The following RBFOX1 variants were observed in gnomAD, a reference collection of about 807,000 sequenced individuals.
RBFOX1 encodes the protein RNA binding fox-1 homolog 1.
RBFOX1 carries 8 observed loss-of-function variants against 57.7 expected under a neutral mutation model. That is an observed-to-expected ratio of 0.14 (90% CI 0.08 to 0.25). The LOEUF is 0.25. Among genes scored for constraint, RBFOX1 ranks in the 10% least tolerant of loss-of-function variants. The pLI, the probability that RBFOX1 is intolerant of heterozygous loss-of-function variation, is 1.00. For synonymous variants in RBFOX1, 326 were observed against 222.4 expected (o/e 1.47, Z -4.15); for missense variants, 611 against 548.5 (o/e 1.11, Z -1.14).
chr16:7,362,044 G>T (rs976161312), intron 4 of RBFOX1, among the ~76,000 whole-genome samples: 3 of 151,360 alleles, frequency 2.0e-5, no homozygotes, highest in African/African-American at 7.3e-5. Context: ...GTGTTAGTGT[G>T]TGTGTTTTGT....
In RBFOX1 at chr16:5,242,981, G is replaced by A. The variant is rs564142479; in HGVS notation, c.219+2876G>A. Reference sequence around the variant, plus strand: ...CAGGGCATGTGATTATGGTGGGGACGTGGTGGGGGGTGGAGGGTGGAGGGT... The same window carrying A: ...CAGGGCATGTGATTATGGTGGGGACATGGTGGGGGGTGGAGGGTGGAGGGT... On this transcript the variant is annotated intron_variant, in intron 1 of 2. Transcript: ENST00000585867. Among the ~76,000 whole-genome samples the A allele has an allele frequency of 2.8e-5, 4 of 144,768 alleles. No individual in the cohort carries two copies. The East Asian group carries it at 8.3e-4, about 30-fold the overall frequency. The allele number at this position is 144,768 out of a possible 152,430, so 95.0% of individuals were successfully genotyped here.
chr16:7,572,665 C>G (rs1303045678), intron 5 of RBFOX1, among the ~76,000 whole-genome samples: 1 of 152,078 alleles, frequency 6.6e-6, no homozygotes, highest in Non-Finnish European at 1.5e-5. Flanking sequence ...CGGTGAAACC[C>G]TGTCTCTACT....
intron 4 of RBFOX1, among the ~76,000 whole-genome samples, chr16:7,349,529 C>CT (rs77161628): frequency 0.47 from 71,239 of 150,636 alleles, 18,943 homozygotes; most frequent in East Asian, 0.87. Flanking sequence ...ATTTAAAAGA[C>CT]TTTTTTTTTT....
At chr16:5,407,641 C>G (rs917680088) in intron 1 of RBFOX1, among the ~76,000 whole-genome samples, 29 of 152,054 alleles carry the variant, frequency 1.9e-4, no homozygotes, top group African/African-American at 5.8e-4. Context: ...CTCTGGCTCC[C>G]AAGTTCAAGC....
intron 2 of RBFOX1, among the ~76,000 whole-genome samples, chr16:6,426,864 G>T (rs1466084416): frequency 6.6e-6 from 1 of 152,180 alleles, no homozygotes; most frequent in Non-Finnish European, 1.5e-5. Flanking sequence ...AGCTCTCAGT[G>T]GTGTAAACTT....
At chr16:7,677,862 C>G (rs2073800240) in intron 14 of RBFOX1, among the ~76,000 whole-genome samples, 1 of 152,184 alleles carries the variant, frequency 6.6e-6, no homozygotes, top group Non-Finnish European at 1.5e-5. Context: ...TGGGAAGCGT[C>G]AGCAGCCTCT....
At chr16:6,544,030 G>A (rs573501645) in intron 2 of RBFOX1, among the ~76,000 whole-genome samples, 1 of 152,324 alleles carries the variant, frequency 6.6e-6, no homozygotes, top group African/African-American at 2.4e-5. Flanking sequence ...CCAAATATTA[G>A]CAAGTACCTG....
At chr16:6,946,946 T>C (rs1382831252) in intron 3 of RBFOX1, among the ~76,000 whole-genome samples, 3 of 152,152 alleles carry the variant, frequency 2.0e-5, no homozygotes, top group African/African-American at 4.8e-5. Context: ...GCTTTATGTT[T>C]GGGAGCCATT....
intron 3 of RBFOX1, among the ~76,000 whole-genome samples, chr16:6,987,844 G>A (rs1438510926): frequency 2.0e-5 from 3 of 152,142 alleles, no homozygotes; most frequent in Admixed American, 6.6e-5. Context: ...AGAAATCCAG[G>A]TTTATTGGGA....
chr16:7,644,187 C>T (rs2143737214), intron 11 of RBFOX1, among the ~76,000 whole-genome samples: 1 of 152,254 alleles, frequency 6.6e-6, no homozygotes, highest in Non-Finnish European at 1.5e-5. Flanking sequence ...GTTCAAACCG[C>T]TGGGTGAGTA....
At chr16:7,155,738 T>TAC (rs138509367) in intron 4 of RBFOX1, among the ~76,000 whole-genome samples, 64 of 75,508 alleles carry the variant, frequency 8.5e-4, no homozygotes, top group Non-Finnish European at 1.1e-3. Context: ...TATATATATA[T>TAC]ACACACACAC....
chr16:5,756,439 T>C (rs558911688), intron 3 of RBFOX1, among the ~76,000 whole-genome samples: 3 of 152,226 alleles, frequency 2.0e-5, no homozygotes, highest in African/African-American at 7.2e-5. Context: ...TCTTCAGGGA[T>C]CACCTTTGCG....
chr16:5,303,882 C>T (rs1018211134), intron 1 of RBFOX1, among the ~76,000 whole-genome samples: 2 of 152,110 alleles, frequency 1.3e-5, no homozygotes, highest in Non-Finnish European at 2.9e-5. Flanking sequence ...AGGGAGGAGG[C>T]CCACACCCTG....
intron 1 of RBFOX1, among the ~76,000 whole-genome samples, chr16:6,270,213 G>A (rs774559813): frequency 2.0e-5 from 3 of 151,884 alleles, no homozygotes; most frequent in African/African-American, 4.8e-5. Flanking sequence ...GAATAAAGTG[G>A]CAAAATTAAG....
chr16:5,559,737 C>T (rs550068721), intron 2 of RBFOX1, among the ~76,000 whole-genome samples: 4 of 152,164 alleles, frequency 2.6e-5, no homozygotes, highest in Non-Finnish European at 4.4e-5. Flanking sequence ...TCTTGTGCAA[C>T]GTTAAAAAGT....
chr16:6,493,162 G>T (rs543169358), intron 2 of RBFOX1, among the ~76,000 whole-genome samples: 26 of 152,286 alleles, frequency 1.7e-4, no homozygotes, highest in African/African-American at 3.1e-4. Flanking sequence ...TAGGTATTCT[G>T]TGTTGGACAT....
chr16:5,417,429 C>T (rs1051859763), intron 1 of RBFOX1, among the ~76,000 whole-genome samples: 2 of 152,140 alleles, frequency 1.3e-5, no homozygotes, highest in Non-Finnish European at 2.9e-5. Flanking sequence ...AAGCACATTT[C>T]TGCAGATGAG....
At chr16:5,948,228 TG>T (rs1471626230) in intron 4 of RBFOX1, among the ~76,000 whole-genome samples, 1 of 152,144 alleles carries the variant, frequency 6.6e-6, no homozygotes, top group Admixed American at 6.5e-5. Flanking sequence ...CTGACCGAGC[TG>T]GGCAGGTGGG....
chr16:7,115,478 T>C (rs946313721), intron 4 of RBFOX1, among the ~76,000 whole-genome samples: 3 of 152,200 alleles, frequency 2.0e-5, no homozygotes, highest in African/African-American at 7.2e-5. Context: ...AAAGCATGTT[T>C]GCTGAGTAGT....
Sources: allele counts gnomAD v4.1 joint callset (sites outside exome capture counted in the v4.1 genomes callset), GRCh38; gene constraint gnomAD v4.1.1; transcripts MANE v1.5; gene names NCBI Gene and HGNC (gene_info 2026-07-23, HGNC 2026-07-21).